DDC: variants seen among roughly 807,000 people sequenced by gnomAD.
DDC encodes aromatic-L-amino-acid decarboxylase.
In DDC, 43 loss-of-function variants were observed where a neutral mutation model predicts 60.0. The observed-to-expected ratio is 0.72, with a 90% CI of 0.56 to 0.92. The LOEUF is 0.92. DDC is among the 40% of genes least tolerant of loss of function. The pLI is 0.00. For missense variants in DDC, 573 were observed against 620.2 expected, an observed-to-expected ratio of 0.92 and a Z score of 0.81; for synonymous variants, 232 against 234.6, an observed-to-expected ratio of 0.99 and a Z score of 0.10.
At chr7:50,521,438 C>T (rs1164797102) in intron 6 of DDC, among the ~76,000 whole-genome samples, 1 of 152,076 alleles carries the variant, frequency 6.6e-6, no homozygotes, top group Admixed American at 6.5e-5. Context: ...TTCTATGAGA[C>T]CAGTATTACA....
chr7:50,519,016 C>G (rs1174209943), intron 6 of DDC, among the ~76,000 whole-genome samples: 1 of 152,194 alleles, frequency 6.6e-6, no homozygotes, highest in African/African-American at 2.4e-5. Flanking sequence ...TATCTAGAAT[C>G]TACAATGAAC....
intron 4 of DDC, among the ~76,000 whole-genome samples, chr7:50,533,615 G>A (rs916952958): frequency 2.6e-5 from 4 of 152,174 alleles, no homozygotes; most frequent in Non-Finnish European, 5.9e-5. Context: ...TAATCATGTG[G>A]AGAAAACCAT....
intron 6 of DDC, among the ~76,000 whole-genome samples, chr7:50,505,489 G>C (rs2043368828): frequency 1.3e-5 from 2 of 152,206 alleles, no homozygotes; most frequent in Admixed American, 1.3e-4. Context: ...AGATAGAGAG[G>C]TCAGAAACTC....
intron 4 of DDC, among the ~76,000 whole-genome samples, chr7:50,534,965 A>T (rs1425397311): frequency 6.6e-6 from 1 of 152,140 alleles, no homozygotes; most frequent in Non-Finnish European, 1.5e-5. Context: ...GTGACAGCCT[A>T]TCCTTGCTGT....
intron 1 of DDC, among the ~76,000 whole-genome samples, chr7:50,555,941 T>C (rs2045172261): frequency 6.6e-6 from 1 of 152,226 alleles, no homozygotes; most frequent in Non-Finnish European, 1.5e-5. Context: ...TGCATATCAG[T>C]TGATGAAAAG....
intron 6 of DDC, among the ~76,000 whole-genome samples, chr7:50,509,707 C>T (rs538278223): frequency 3.3e-5 from 5 of 152,340 alleles, no homozygotes; most frequent in Non-Finnish European, 7.3e-5. Flanking sequence ...TATTACTTGG[C>T]ACTTCCAGCA....
In DDC at chr7:50,539,958, G is replaced by T. The variant is rs137853211; in HGVS notation, c.272C>A (p.Ala91Glu). ...PTASSYPAML[A>E]DMLCGAIGCI... ...GCCAATGGCCCCGCACAGCATGTCC[G>T]CAAGCATGGCCGGGTACGAGCTGGC... The change falls in exon 3 of 15, where the codon GCG becomes GAG. Residue 91 changes from alanine (A) to glutamate (E), a missense_variant. Ala to Glu is a moderately radical substitution (Grantham distance 107). Transcript: ENST00000444124. The T allele has an allele frequency of 1.9e-6, 3 of 1,613,984 alleles. No homozygotes were observed. Among genetic ancestry groups the T allele is most frequent in the Non-Finnish European group, 2.5e-6 (3 of 1,179,956 alleles).
chr7:50,523,422 T>A (rs944388423), intron 6 of DDC, among the ~76,000 whole-genome samples: 1 of 152,158 alleles, frequency 6.6e-6, no homozygotes, highest in African/African-American at 2.4e-5. Flanking sequence ...AAAACATATA[T>A]CTTGATAAAG....
At chr7:50,500,895 G>C (rs1191062458) in intron 7 of DDC, among the ~76,000 whole-genome samples, 1 of 152,250 alleles carries the variant, frequency 6.6e-6, no homozygotes. Context: ...GACCCCTAAA[G>C]GAAGTGGACT....
chr7:50,562,519 G>A (rs2045365054), intron 1 of DDC, among the ~76,000 whole-genome samples: 1 of 152,248 alleles, frequency 6.6e-6, no homozygotes, highest in South Asian at 2.1e-4. Flanking sequence ...AGGGGACAGT[G>A]TCAAGCTGGA....
chr7:50,565,033 T>A (rs1315129367), intron 1 of DDC, among the ~76,000 whole-genome samples: 1 of 152,146 alleles, frequency 6.6e-6, no homozygotes, highest in Non-Finnish European at 1.5e-5. Flanking sequence ...GAGCCAGTCA[T>A]GAAATCATTC....
At chr7:50,524,714 G>T (rs1396166659) in intron 6 of DDC, among the ~76,000 whole-genome samples, 5 of 152,184 alleles carry the variant, frequency 3.3e-5, no homozygotes, top group Admixed American at 3.3e-4. Context: ...CTCAAGCATT[G>T]ATAATGGAAA....
At chr7:50,504,209 G>T (rs1161599743) in intron 6 of DDC, 150 bp from the exon 7 acceptor site, 6 of 695,260 alleles carry the variant, frequency 8.6e-6, no homozygotes, top group Non-Finnish European at 1.3e-5. Flanking sequence ...TAAGCCCATG[G>T]ATGCACATTG....
chr7:50,503,173 G>A (rs1180458244), intron 7 of DDC, among the ~76,000 whole-genome samples: 3 of 152,264 alleles, frequency 2.0e-5, no homozygotes, highest in Admixed American at 6.5e-5. Context: ...ACAGGCCACA[G>A]GTATGTGATC....
intron 9 of DDC, among the ~76,000 whole-genome samples, chr7:50,483,605 G>A (rs114037990): frequency 6.6e-5 from 10 of 152,044 alleles, no homozygotes; most frequent in African/African-American, 2.4e-4. Flanking sequence ...CATTATTTAA[G>A]AATTTGGGTA....
intron 1 of DDC, among the ~76,000 whole-genome samples, chr7:50,550,678 C>T (rs867873736): frequency 2.0e-5 from 3 of 152,180 alleles, no homozygotes; most frequent in East Asian, 3.8e-4. Flanking sequence ...AAGGCCCTCC[C>T]GCTGTGGGCT....
Position 50,540,342 on chromosome 7 carries a change from A to G in DDC, c.202-314T>C, listed in dbSNP as rs566005665. Reference sequence around the variant, plus strand: ...TCCTTATCATTTTCCATAACAAAAGAAGTCTCAAAAAACCACACTGTGCTT... The same window carrying G: ...TCCTTATCATTTTCCATAACAAAAGGAGTCTCAAAAAACCACACTGTGCTT... On this transcript the variant is annotated intron_variant, in intron 2 of 14. Coordinates refer to ENST00000444124, the MANE Select transcript of DDC (RefSeq NM_001082971.2). Among the ~76,000 whole-genome samples the G allele has an allele frequency of 4.7e-3, 723 of 152,266 alleles. 3 individuals carry two copies. The highest frequency in any genetic ancestry group is 7.5e-3 in the Non-Finnish European group (512 of 68,014).
chr7:50,504,094 C>G (rs778814699), intron 6 of DDC, 35 bp from the exon 7 acceptor site: 2 of 1,505,016 alleles, frequency 1.3e-6, no homozygotes, highest in Non-Finnish European at 1.9e-6. Flanking sequence ...TTTTATTCCC[C>G]AGGTGCCAGT....
In DDC at chr7:50,543,941, C is replaced by G; in HGVS notation, c.145G>C (p.Glu49Gln). Reference protein sequence around the residue: ...RPLIPAAAPQEPDTFEDIIND... With the variant: ...RPLIPAAAPQQPDTFEDIIND... ...ATGATGTCCTCAAACGTGTCTGGCT[C>G]CTGAGGGGCAGCGGCAGGGATCAGC... Residue 49 changes from glutamate to glutamine, a missense_variant, in exon 2 of 15, where the codon GAG (glutamate) becomes CAG (glutamine). Physicochemically the swap from Glu to Gln is conservative, Grantham distance 29. Transcript: ENST00000444124. The G allele has an allele frequency of 6.2e-7, 1 of 1,614,136 alleles. No homozygotes were observed. The highest frequency in any genetic ancestry group is 8.5e-7 in the Non-Finnish European group (1 of 1,180,026).
Sources: allele counts gnomAD v4.1 joint callset (sites outside exome capture counted in the v4.1 genomes callset), GRCh38; gene constraint gnomAD v4.1.1; transcripts MANE v1.5; gene names NCBI Gene and HGNC (gene_info 2026-07-23, HGNC 2026-07-21).